The following STXBP5L variants were observed in gnomAD, a reference collection of about 807,000 sequenced individuals.
STXBP5L encodes the protein syntaxin binding protein 5L.
A neutral mutation model predicts 144.5 loss-of-function variants in STXBP5L; 65 were observed. That is an observed-to-expected ratio of 0.45 (90% CI 0.37 to 0.55). STXBP5L has a LOEUF of 0.55. Among genes scored for constraint, STXBP5L ranks in the 20% least tolerant of loss-of-function variants. The pLI is 0.00. For synonymous variants in STXBP5L, 505 were observed against 469.6 expected, an observed-to-expected ratio of 1.08 and a Z score of -0.97; for missense variants, 1,298 against 1,405.5, an observed-to-expected ratio of 0.92 and a Z score of 1.22.
intron 19 of STXBP5L, among the ~76,000 whole-genome samples, chr3:121,297,202 A>ATG (rs71133526): frequency 0.15 from 21,619 of 148,090 alleles, 1,568 homozygotes; most frequent in African/African-American, 0.18. Context: ...TCTACATTAT[A>ATG]TGTGTGTGTG....
At chr3:121,077,368 C>T (rs141290265) in intron 5 of STXBP5L, among the ~76,000 whole-genome samples, 27 of 152,120 alleles carry the variant, frequency 1.8e-4, no homozygotes, top group East Asian at 1.7e-3. Flanking sequence ...TTCTTAAAGG[C>T]GGAGTGTTCG....
intron 5 of STXBP5L, among the ~76,000 whole-genome samples, chr3:121,051,210 G>T (rs1001805255): frequency 1.3e-5 from 2 of 152,118 alleles, no homozygotes; most frequent in Non-Finnish European, 2.9e-5. Flanking sequence ...CCCAGGAATT[G>T]TACTCAGCTC....
intron 6 of STXBP5L, among the ~76,000 whole-genome samples, chr3:121,118,597 G>A (rs777260178): frequency 2.0e-5 from 3 of 151,512 alleles, no homozygotes; most frequent in Non-Finnish European, 4.4e-5. Context: ...AGATTTTGAC[G>A]GTTGCAAGCA....
chr3:121,139,481 G>C (rs888664182), intron 7 of STXBP5L, among the ~76,000 whole-genome samples: 2 of 152,076 alleles, frequency 1.3e-5, no homozygotes, highest in African/African-American at 4.8e-5. Context: ...ACCCAAGATC[G>C]TGTTGCTTGT....
chr3:121,398,446 C>T (rs762452498), intron 22 of STXBP5L, among the ~76,000 whole-genome samples: 17 of 152,234 alleles, frequency 1.1e-4, no homozygotes, highest in Admixed American at 6.5e-4. Flanking sequence ...TTTAGAACAG[C>T]GCCCAGGATG....
chr3:121,053,000 C>T (rs779975396), intron 5 of STXBP5L, among the ~76,000 whole-genome samples: 22 of 152,190 alleles, frequency 1.4e-4, no homozygotes, highest in Non-Finnish European at 2.6e-4. Context: ...TTCACAATTG[C>T]TTCAAAGAGA....
chr3:121,084,050 TTATCTC>T (rs1311651985), intron 5 of STXBP5L, among the ~76,000 whole-genome samples: 2 of 152,104 alleles, frequency 1.3e-5, no homozygotes, highest in African/African-American at 4.8e-5. Flanking sequence ...CATTCATTGA[TTATCTC>T]TATTCTTTTT....
At chr3:120,996,340 T>G (rs1943346044) in intron 3 of STXBP5L, among the ~76,000 whole-genome samples, 1 of 151,984 alleles carries the variant, frequency 6.6e-6, no homozygotes, top group African/African-American at 2.4e-5. Flanking sequence ...ATTTAAAAAT[T>G]TAAATTAATA....
intron 20 of STXBP5L, among the ~76,000 whole-genome samples, chr3:121,345,949 T>A (rs2044949550): frequency 6.6e-6 from 1 of 152,052 alleles, no homozygotes; most frequent in Non-Finnish European, 1.5e-5. Context: ...TTTCTTTTTT[T>A]CTTTTTATTT....
chr3:121,111,845 T>C (rs886376217), intron 5 of STXBP5L, among the ~76,000 whole-genome samples: 3 of 151,684 alleles, frequency 2.0e-5, no homozygotes, highest in South Asian at 2.1e-4. Flanking sequence ...CACTGATCCA[T>C]GGAGAGAGAC....
chr3:121,208,032 A>C (rs1461311211), intron 10 of STXBP5L, among the ~76,000 whole-genome samples: 1 of 152,152 alleles, frequency 6.6e-6, no homozygotes, highest in African/African-American at 2.4e-5. Context: ...ACACATGCAC[A>C]TGTATGTTTA....
intron 9 of STXBP5L, among the ~76,000 whole-genome samples, chr3:121,191,380 A>G (rs1034143049): frequency 6.6e-6 from 1 of 152,188 alleles, no homozygotes; most frequent in Non-Finnish European, 1.5e-5. Flanking sequence ...TCCACCAAAA[A>G]ATATGAAAAC....
intron 7 of STXBP5L, among the ~76,000 whole-genome samples, chr3:121,128,680 A>G (rs997791619): frequency 1.3e-5 from 2 of 152,098 alleles, no homozygotes; most frequent in African/African-American, 4.8e-5. Context: ...GCAGGAATCT[A>G]TGGTAATGGC....
chr3:121,019,070 C>T (rs2108198279), intron 3 of STXBP5L, among the ~76,000 whole-genome samples: 1 of 152,254 alleles, frequency 6.6e-6, no homozygotes, highest in South Asian at 2.1e-4. Flanking sequence ...CTGCAGGCTG[C>T]CTGGGAACTG....
chr3:121,330,278 G>A (rs2044282708), intron 20 of STXBP5L, among the ~76,000 whole-genome samples: 1 of 152,172 alleles, frequency 6.6e-6, no homozygotes, highest in East Asian at 1.9e-4. Context: ...AGCTGGATGG[G>A]GCTTACTGCT....
chr3:121,112,838 A>T (rs1280951997), intron 5 of STXBP5L, among the ~76,000 whole-genome samples: 1 of 152,216 alleles, frequency 6.6e-6, no homozygotes, highest in East Asian at 1.9e-4. Context: ...ATTATAAAAT[A>T]CAATAAATTA....
At position 121,402,163 on chromosome 3, in the gene STXBP5L, G is replaced by C. The variant is rs372944056; in HGVS notation, c.2588-5080G>C. ...CCATAATTAAGACTGAACTGGAGTA[G>C]TCAGGAAGTTAATAAATGTTTATTG... On this transcript the variant is annotated intron_variant, in intron 22 of 26. Coordinates refer to ENST00000471454, the MANE Select transcript of STXBP5L (RefSeq NM_001308330.2). 4.6e-5 allele frequency among the ~76,000 whole-genome samples: 7 copies of C among 152,282 alleles called. No homozygotes were observed. The East Asian group carries it at 1.2e-3, about 25-fold the overall frequency.
At chr3:121,385,708 T>C (rs2046412047) in intron 22 of STXBP5L, among the ~76,000 whole-genome samples, 1 of 152,174 alleles carries the variant, frequency 6.6e-6, no homozygotes, top group African/African-American at 2.4e-5. Flanking sequence ...ACTGGTCATA[T>C]ACCAGTATTA....
intron 3 of STXBP5L, among the ~76,000 whole-genome samples, chr3:120,970,082 C>T (rs1484861980): frequency 6.6e-6 from 1 of 151,966 alleles, no homozygotes; most frequent in Non-Finnish European, 1.5e-5. Flanking sequence ...TACCCTTTAA[C>T]ACCCCCCCAA....
Sources: allele counts gnomAD v4.1 joint callset (sites outside exome capture counted in the v4.1 genomes callset), GRCh38; gene constraint gnomAD v4.1.1; transcripts MANE v1.5; gene names NCBI Gene and HGNC (gene_info 2026-07-23, HGNC 2026-07-21).